The following RUNDC3B variants were observed in gnomAD, a reference collection of about 807,000 sequenced individuals.
RUNDC3B encodes RUN domain-containing protein 3B.
In RUNDC3B, 33 loss-of-function variants were observed where a neutral mutation model predicts 58.4. The observed-to-expected ratio is 0.56, with a 90% CI of 0.43 to 0.75. The LOEUF (loss-of-function observed/expected upper bound fraction) is 0.75, where lower values mean the gene tolerates loss of function less well. Among genes scored for constraint, RUNDC3B ranks in the 30% least tolerant of loss-of-function variants. The pLI is 0.00. For missense variants in RUNDC3B, 501 were observed against 535.7 expected (o/e 0.94, Z 0.64); for synonymous variants, 193 against 195.2 (o/e 0.99, Z 0.10).
chr7:87,628,665 C>G lies in RUNDC3B; in HGVS notation c.-159C>G. 1 of 412,360 alleles carries G rather than the reference C, an allele frequency of 2.4e-6. No homozygotes were observed. The highest frequency in any genetic ancestry group is 4.1e-6 in the Non-Finnish European group (1 of 243,524). 25.5% of individuals were successfully genotyped at this position (412,360 alleles called of 1,614,324 possible). A position where few individuals can be genotyped will look rare whatever the true frequency, so the allele number is the denominator to read the frequency against. Reference sequence around the variant, plus strand: ...AGGGCGAGCCGTCAGTCCCCGGGTGCGAGTCCCTGCTGTCTTCCACACCCT... The same window carrying G: ...AGGGCGAGCCGTCAGTCCCCGGGTGGGAGTCCCTGCTGTCTTCCACACCCT... On this transcript the variant is annotated 5_prime_UTR_variant, in exon 1 of 11. Coordinates refer to ENST00000394654, the MANE Select transcript of RUNDC3B (RefSeq NM_001134405.2).
chr7:87,792,406 A>G (rs1235639242), intron 8 of RUNDC3B, among the ~76,000 whole-genome samples: 1 of 152,246 alleles, frequency 6.6e-6, no homozygotes, highest in East Asian at 1.9e-4. Flanking sequence ...TGGCTAGAGA[A>G]TACATGTTCT....
intron 8 of RUNDC3B, among the ~76,000 whole-genome samples, chr7:87,797,192 T>C (rs1835868225): frequency 6.6e-6 from 1 of 152,170 alleles, no homozygotes; most frequent in Non-Finnish European, 1.5e-5. Context: ...GACTGCATCA[T>C]AAAATAATAT....
chr7:87,694,077 A>G, intron 2 of RUNDC3B: 1 of 1,517,948 alleles, frequency 6.6e-7, no homozygotes. Context: ...GGTTTTGTAA[A>G]GCCTTCTTTT....
At chr7:87,643,120 G>C (rs1343200175) in intron 1 of RUNDC3B, among the ~76,000 whole-genome samples, 1 of 152,082 alleles carries the variant, frequency 6.6e-6, no homozygotes, top group East Asian at 1.9e-4. Context: ...CTCTTGCTTT[G>C]TTGCTCAAAC....
At chr7:87,752,378 T>G (rs1209560189) in intron 6 of RUNDC3B, among the ~76,000 whole-genome samples, 1 of 152,172 alleles carries the variant, frequency 6.6e-6, no homozygotes, top group African/African-American at 2.4e-5. Context: ...ATCAGGATGA[T>G]GCTGGCCTCA....
chr7:87,683,708 A>G (rs1405570883), intron 2 of RUNDC3B, among the ~76,000 whole-genome samples: 1 of 152,220 alleles, frequency 6.6e-6, no homozygotes, highest in Non-Finnish European at 1.5e-5. Context: ...AACAGATACA[A>G]TAATAATGAA....
intron 4 of RUNDC3B, among the ~76,000 whole-genome samples, chr7:87,730,468 T>A (rs1342061150): frequency 6.6e-6 from 1 of 151,466 alleles, no homozygotes; most frequent in Non-Finnish European, 1.5e-5. Context: ...GAGAAGAGAC[T>A]CTTCTGCTTG....
intron 7 of RUNDC3B, among the ~76,000 whole-genome samples, chr7:87,773,317 C>G (rs1339696688): frequency 7.7e-6 from 1 of 130,212 alleles, no homozygotes. Context: ...AGCGAGACTC[C>G]GTCTCAAAAA....
intron 1 of RUNDC3B, among the ~76,000 whole-genome samples, chr7:87,649,668 T>C (rs544592615): frequency 6.6e-6 from 1 of 152,322 alleles, no homozygotes; most frequent in African/African-American, 2.4e-5. Context: ...TTGCTATTTA[T>C]AAGCTCATAA....
chr7:87,799,380 G>T (rs1239284240), intron 8 of RUNDC3B, among the ~76,000 whole-genome samples: 1 of 152,136 alleles, frequency 6.6e-6, no homozygotes, highest in Non-Finnish European at 1.5e-5. Context: ...GGAGTCAGGG[G>T]TTAGAGTATA....
At chr7:87,670,171 T>G (rs1211609028) in intron 2 of RUNDC3B, among the ~76,000 whole-genome samples, 1 of 152,234 alleles carries the variant, frequency 6.6e-6, no homozygotes, top group Non-Finnish European at 1.5e-5. Context: ...TTATTCCTTT[T>G]TATTCCTCTT....
chr7:87,629,116 C>CAGA (rs776095099), intron 1 of RUNDC3B, 171 bp downstream of exon 1: 5 of 530,970 alleles, frequency 9.4e-6, no homozygotes, highest in African/African-American at 2.0e-5. Context: ...GGGCCCGGGT[C>CAGA]TGGACACCGT....
At chr7:87,769,140 A>G (rs1834130085) in intron 6 of RUNDC3B, among the ~76,000 whole-genome samples, 1 of 151,254 alleles carries the variant, frequency 6.6e-6, no homozygotes. Flanking sequence ...AGCTGGGATT[A>G]CAGGCATGTG....
intron 7 of RUNDC3B, among the ~76,000 whole-genome samples, chr7:87,773,697 A>T (rs1039442554): frequency 3.2e-5 from 3 of 93,330 alleles, no homozygotes; most frequent in Non-Finnish European, 6.3e-5. Flanking sequence ...TTTTGTTTTG[A>T]GATGGAGTCT....
At position 87,807,455 on chromosome 7, in the gene RUNDC3B, C is replaced by T. The variant is rs779758821; in HGVS notation, c.1039C>T (p.Leu347=). 8 of 1,613,646 alleles carry T rather than the reference C, an allele frequency of 5.0e-6. No individual in the cohort carries two copies. Among genetic ancestry groups the T allele is most frequent in the Non-Finnish European group, 6.8e-6 (8 of 1,179,616 alleles). The change falls in exon 9 of 11, where the codon CTG becomes TTG. Residue 347 remains leucine, a synonymous_variant. Coordinates refer to ENST00000394654, the MANE Select transcript of RUNDC3B (RefSeq NM_001134405.2). The part of the protein sequence containing the change: ...LTNQWPSPGA[L]DVNAVALDTL... ...CAACCAGTGGCCTTCTCCAGGAGCT[C>T]TGGATGTCAATGCTGTTGCCTTGGA...
At chr7:87,652,138 A>G (rs1228065836) in intron 2 of RUNDC3B, among the ~76,000 whole-genome samples, 1 of 152,132 alleles carries the variant, frequency 6.6e-6, no homozygotes, top group African/African-American at 2.4e-5. Context: ...CCTAACTAAA[A>G]AGCATATGGA....
intron 1 of RUNDC3B, among the ~76,000 whole-genome samples, chr7:87,638,299 T>G (rs1439395020): frequency 6.6e-6 from 1 of 152,024 alleles, no homozygotes; most frequent in Non-Finnish European, 1.5e-5. Flanking sequence ...TCTGGTTTTG[T>G]CATTAAGATT....
chr7:87,829,061 T>G (rs1837991298), intron 10 of RUNDC3B, among the ~76,000 whole-genome samples: 1 of 152,202 alleles, frequency 6.6e-6, no homozygotes, highest in Non-Finnish European at 1.5e-5. Flanking sequence ...TTTGCGTTTC[T>G]CTGATGATTA....
intron 8 of RUNDC3B, among the ~76,000 whole-genome samples, chr7:87,798,108 T>G (rs1156303473): frequency 6.6e-6 from 1 of 152,234 alleles, no homozygotes; most frequent in African/African-American, 2.4e-5. Context: ...ATTTTTCCCT[T>G]GCCTTCATGG....
Sources: gnomAD v4.1 joint callset for allele counts (sites outside exome capture counted in the v4.1 genomes callset) on GRCh38, gnomAD v4.1.1 for gene constraint, MANE v1.5 for transcripts, NCBI Gene and HGNC (gene_info 2026-07-23, HGNC 2026-07-21) for gene names.